Variants in PDE1C observed in about 807,000 individuals in gnomAD.
The protein encoded by PDE1C is phosphodiesterase 1C.
In PDE1C, 62 loss-of-function variants were observed where a neutral mutation model predicts 93.1. The ratio of observed to expected loss-of-function variants is 0.67; its 90% CI spans 0.54 to 0.82. The LOEUF is 0.82. Ranked by LOEUF, PDE1C falls within the 40% of genes least tolerant of loss-of-function variation. PDE1C has a pLI of 0.00. For synonymous variants in PDE1C, 325 were observed against 310.1 expected (o/e 1.05, Z -0.50); for missense variants, 742 against 884.6 (o/e 0.84, Z 2.04).
chr7:31,876,906 T>C (rs1796664976), intron 5 of PDE1C, among the ~76,000 whole-genome samples: 1 of 152,122 alleles, frequency 6.6e-6, no homozygotes, highest in Non-Finnish European at 1.5e-5. Context: ...ATTCAGCTAG[T>C]AAATGTCTCT....
the PDE1C span, among the ~76,000 whole-genome samples, chr7:31,625,480 G>A: frequency 6.6e-6 from 1 of 152,078 alleles, no homozygotes; most frequent in African/African-American, 2.4e-5. Flanking sequence ...TAGGGACATG[G>A]ATGAAATTGG....
chr7:32,314,185 A>C (rs560603480), intron 1 of PDE1C, among the ~76,000 whole-genome samples: 63 of 152,194 alleles, frequency 4.1e-4, no homozygotes, highest in Non-Finnish European at 8.2e-4. Context: ...ACTATATTAC[A>C]GCTCTGGCAT....
At chr7:32,011,757 A>T (rs1787151729) in intron 2 of PDE1C, among the ~76,000 whole-genome samples, 1 of 152,192 alleles carries the variant, frequency 6.6e-6, no homozygotes, top group African/African-American at 2.4e-5. Context: ...CTTTGGAAAA[A>T]AGTTTGACAG....
chr7:32,312,205 GA>G (rs950241303), intron 1 of PDE1C, among the ~76,000 whole-genome samples: 1 of 152,188 alleles, frequency 6.6e-6, no homozygotes, highest in African/African-American at 2.4e-5. Flanking sequence ...CAAGGGATGT[GA>G]AAGACCTCTT....
rs533111300 is a variant in PDE1C at position 32,336,417 on chromosome 7, T to G, written c.310+91405A>C. ...TTGAATATTTTACCGCATGTTGCCC[T>G]TATTATGTCAAATAAATGTGTAAAA... On this transcript the variant is annotated intron_variant, in intron 1 of 1. Transcript: ENST00000672256. Among the ~76,000 whole-genome samples the G allele has an allele frequency of 1.6e-4, 25 of 152,336 alleles. No individual in the cohort carries two copies. In the South Asian group the frequency reaches 5.2e-3, roughly 32 times the overall value.
At chr7:32,046,386 C>T (rs568782398) in intron 2 of PDE1C, among the ~76,000 whole-genome samples, 6 of 152,192 alleles carry the variant, frequency 3.9e-5, no homozygotes, top group Non-Finnish European at 5.9e-5. Flanking sequence ...TATAATCTAG[C>T]GAGAGAAGAG....
At chr7:31,691,399 T>G in the PDE1C span, among the ~76,000 whole-genome samples, 1 of 152,252 alleles carries the variant, frequency 6.6e-6, no homozygotes, top group Admixed American at 6.5e-5. Context: ...GATTTTAATC[T>G]TATTTATTCC....
At chr7:31,938,308 A>G (rs935899446) in intron 2 of PDE1C, among the ~76,000 whole-genome samples, 2 of 151,834 alleles carry the variant, frequency 1.3e-5, no homozygotes, top group African/African-American at 4.8e-5. Context: ...GCAAAGGTCT[A>G]GAATATGCAG....
At chr7:32,383,633 T>A (rs971723024) in intron 1 of PDE1C, among the ~76,000 whole-genome samples, 11 of 144,914 alleles carry the variant, frequency 7.6e-5, no homozygotes, top group South Asian at 6.9e-4. Context: ...ATAATAATTA[T>A]CAGAATGCTG....
intron 2 of PDE1C, among the ~76,000 whole-genome samples, chr7:32,205,184 C>T (rs1249104627): frequency 6.6e-6 from 1 of 152,224 alleles, no homozygotes; most frequent in African/African-American, 2.4e-5. Context: ...CATGTCTGTC[C>T]TGTCAGGGGT....
At chr7:32,305,703 G>C (rs1487589799) in intron 1 of PDE1C, among the ~76,000 whole-genome samples, 1 of 152,190 alleles carries the variant, frequency 6.6e-6, no homozygotes, top group Non-Finnish European at 1.5e-5. Flanking sequence ...TGACTCGTTA[G>C]AGTTTCAGGC....
At chr7:31,794,784 C>T (rs1010571400) in intron 16 of PDE1C, among the ~76,000 whole-genome samples, 2 of 151,922 alleles carry the variant, frequency 1.3e-5, no homozygotes, top group Non-Finnish European at 2.9e-5. Flanking sequence ...AGTTTCTGAT[C>T]AGTCTTTGAA....
At chr7:31,909,940 A>G (rs1343094238) in intron 2 of PDE1C, among the ~76,000 whole-genome samples, 1 of 152,128 alleles carries the variant, frequency 6.6e-6, no homozygotes, top group East Asian at 1.9e-4. Context: ...GTTTAACAAT[A>G]TCCCTGGTCT....
chr7:32,299,442 C>T, upstream of PDE1C: 1 of 983,998 alleles, frequency 1.0e-6, no homozygotes, highest in Non-Finnish European at 1.2e-6. Flanking sequence ...TCAAAGTCAC[C>T]GGAGGCTCTA....
chr7:32,017,050 A>C (rs1433697334), intron 2 of PDE1C, among the ~76,000 whole-genome samples: 2 of 152,182 alleles, frequency 1.3e-5, no homozygotes, highest in African/African-American at 2.4e-5. Flanking sequence ...GGATAATAGC[A>C]GTACTTATTT....
the PDE1C span, among the ~76,000 whole-genome samples, chr7:31,634,312 C>T: frequency 5.3e-5 from 8 of 151,978 alleles, no homozygotes; most frequent in African/African-American, 1.2e-4. Context: ...ATTAATGATA[C>T]GAAGATTGAG....
the PDE1C span, among the ~76,000 whole-genome samples, chr7:31,695,199 T>G: frequency 6.6e-6 from 1 of 152,196 alleles, no homozygotes. Flanking sequence ...CCGGACCATA[T>G]TTTTTAAGTT....
intron 2 of PDE1C, among the ~76,000 whole-genome samples, chr7:31,966,624 A>C (rs1008948487): frequency 2.0e-5 from 3 of 152,220 alleles, no homozygotes; most frequent in Non-Finnish European, 4.4e-5. Flanking sequence ...AGACATCTAC[A>C]GAACTCTCTA....
chr7:31,639,337 A>G, the PDE1C span, among the ~76,000 whole-genome samples: 2 of 151,936 alleles, frequency 1.3e-5, no homozygotes, highest in Non-Finnish European at 2.9e-5. Context: ...CCATGTCTTC[A>G]TGTCACTAAT....
Sources: gnomAD v4.1 joint callset for allele counts (sites outside exome capture counted in the v4.1 genomes callset) on GRCh38, gnomAD v4.1.1 for gene constraint, MANE v1.5 for transcripts, NCBI Gene and HGNC (gene_info 2026-07-23, HGNC 2026-07-21) for gene names.